The following SLC24A2 variants were observed in gnomAD, a reference collection of about 807,000 sequenced individuals.
SLC24A2 encodes solute carrier family 24 member 2, also known as sodium/potassium/calcium exchanger 2.
Under a neutral mutation model 62.0 loss-of-function variants are expected in SLC24A2, and 36 were observed. The ratio of observed to expected loss-of-function variants is 0.58; its 90% CI spans 0.44 to 0.77. The LOEUF is 0.77. SLC24A2 is among the 30% of genes least tolerant of loss of function. The pLI is 0.00. For missense variants in SLC24A2, 846 were observed against 817.9 expected (o/e 1.03, Z -0.42); for synonymous variants, 358 against 294.0 (o/e 1.22, Z -2.23).
At chr9:20,095,521 C>G in the SLC24A2 span, among the ~76,000 whole-genome samples, 3 of 152,064 alleles carry the variant, frequency 2.0e-5, no homozygotes, top group African/African-American at 7.2e-5. Flanking sequence ...ACTTTCTCCA[C>G]GTGAGAGAAA....
the SLC24A2 span, among the ~76,000 whole-genome samples, chr9:19,943,067 G>A: frequency 1.3e-5 from 2 of 152,050 alleles, no homozygotes; most frequent in African/African-American, 4.8e-5. Flanking sequence ...AAAAATAAGT[G>A]CTTAAATGCA....
chr9:19,906,043 C>G, the SLC24A2 span, among the ~76,000 whole-genome samples: 2 of 152,124 alleles, frequency 1.3e-5, no homozygotes, highest in Non-Finnish European at 2.9e-5. Flanking sequence ...AGCACCACAC[C>G]ACACCTATTC....
intron 2 of SLC24A2, among the ~76,000 whole-genome samples, chr9:19,747,555 T>C (rs1049271357): frequency 7.2e-5 from 11 of 152,232 alleles, no homozygotes; most frequent in African/African-American, 2.4e-4. Flanking sequence ...CAGCATTTAA[T>C]AGAAGTTAGT....
chr9:19,922,806 G>C, the SLC24A2 span, among the ~76,000 whole-genome samples: 1 of 152,110 alleles, frequency 6.6e-6, no homozygotes, highest in Admixed American at 6.5e-5. Flanking sequence ...AGAGGAGCTT[G>C]TACATGTCTG....
rs542607040 is a variant in SLC24A2, at chr9:19,652,360, T to G, written c.931-30061A>C. Among the ~76,000 whole-genome samples the G allele has an allele frequency of 2.0e-5, 3 of 152,282 alleles. No individual in the cohort carries two copies. The East Asian group carries it at 5.8e-4, about 29-fold the overall frequency. ...TATGGCAAAAGGGACTTTGCAGATG[T>G]GATTAAGTTAAGGATCTTGAGATGG... On this transcript the variant is annotated intron_variant, in intron 2 of 10. Coordinates refer to ENST00000341998, the MANE Select transcript of SLC24A2 (RefSeq NM_020344.4).
intron 4 of SLC24A2, among the ~76,000 whole-genome samples, chr9:19,598,408 G>A (rs372208113): frequency 4.6e-5 from 7 of 152,150 alleles, no homozygotes; most frequent in African/African-American, 9.6e-5. Context: ...ATAAATATTC[G>A]TGTATTTCAT....
chr9:20,266,412 C>T, the SLC24A2 span, among the ~76,000 whole-genome samples: 1 of 152,188 alleles, frequency 6.6e-6, no homozygotes, highest in Admixed American at 6.5e-5. Context: ...AATACCCAGT[C>T]TCTGGGTGTT....
the SLC24A2 span, among the ~76,000 whole-genome samples, chr9:20,088,459 TC>T: frequency 2.0e-5 from 3 of 152,154 alleles, no homozygotes; most frequent in Non-Finnish European, 4.4e-5. Context: ...TTTATGTGTG[TC>T]CCAGATCCTA....
the SLC24A2 span, among the ~76,000 whole-genome samples, chr9:20,298,503 A>G: frequency 0.39 from 58,762 of 152,156 alleles, 11,574 homozygotes; most frequent in Middle Eastern, 0.56. Context: ...TGCTGGGATT[A>G]CAGGCGTGAG....
the SLC24A2 span, among the ~76,000 whole-genome samples, chr9:19,816,772 AACTC>A: frequency 1.3e-5 from 2 of 152,070 alleles, no homozygotes; most frequent in African/African-American, 2.4e-5. Context: ...ATCTCATGAG[AACTC>A]ACTCACTATG....
chr9:19,652,614 C>T (rs1818833763), intron 2 of SLC24A2, among the ~76,000 whole-genome samples: 1 of 151,430 alleles, frequency 6.6e-6, no homozygotes, highest in Non-Finnish European at 1.5e-5. Context: ...CTTCCAGAAA[C>T]ACACCCCAAC....
the SLC24A2 span, among the ~76,000 whole-genome samples, chr9:20,019,421 A>T: frequency 6.1e-4 from 93 of 152,288 alleles, no homozygotes; most frequent in African/African-American, 2.2e-3. Context: ...TCCCAGCCCC[A>T]TTTATTAAAT....
the SLC24A2 span, among the ~76,000 whole-genome samples, chr9:20,061,604 C>T: frequency 4.6e-5 from 7 of 152,112 alleles, no homozygotes; most frequent in Non-Finnish European, 1.0e-4. Flanking sequence ...TGATTTTTAA[C>T]AAAAGTGCCA....
intron 8 of SLC24A2, among the ~76,000 whole-genome samples, chr9:19,532,512 T>A (rs547255387): frequency 1.3e-5 from 2 of 152,314 alleles, no homozygotes; most frequent in East Asian, 1.9e-4. Context: ...GTATTAAAAT[T>A]TTTTTCCTGA....
the SLC24A2 span, among the ~76,000 whole-genome samples, chr9:20,264,807 C>G: frequency 6.6e-6 from 1 of 152,194 alleles, no homozygotes; most frequent in Non-Finnish European, 1.5e-5. Flanking sequence ...GTTACTTAAT[C>G]CCTGTAAAAA....
intron 8 of SLC24A2, among the ~76,000 whole-genome samples, chr9:19,532,430 G>A (rs921769761): frequency 6.6e-6 from 1 of 152,092 alleles, no homozygotes; most frequent in Non-Finnish European, 1.5e-5. Context: ...AATTATTTGA[G>A]GCCGAATAGA....
the SLC24A2 span, among the ~76,000 whole-genome samples, chr9:19,989,870 A>G: frequency 3.2e-4 from 48 of 152,292 alleles, no homozygotes; most frequent in Admixed American, 9.8e-4. Flanking sequence ...CATTTCCACT[A>G]TAGAAGCAGG....
At chr9:20,078,843 G>C in the SLC24A2 span, among the ~76,000 whole-genome samples, 3 of 152,116 alleles carry the variant, frequency 2.0e-5, no homozygotes, top group African/African-American at 7.2e-5. Flanking sequence ...GGAAGAAAAA[G>C]GGACATAGAT....
the SLC24A2 span, among the ~76,000 whole-genome samples, chr9:19,838,588 G>A: frequency 2.0e-5 from 3 of 151,178 alleles, no homozygotes; most frequent in African/African-American, 7.3e-5. Flanking sequence ...GCAGTGAGTC[G>A]AGACGGTGCC....
Sources: allele counts gnomAD v4.1 joint callset (sites outside exome capture counted in the v4.1 genomes callset), GRCh38; gene constraint gnomAD v4.1.1; transcripts MANE v1.5; gene names NCBI Gene and HGNC (gene_info 2026-07-23, HGNC 2026-07-21).